The following PPP1R1C variants were observed in gnomAD, a reference collection of about 807,000 sequenced individuals.
PPP1R1C encodes the protein protein phosphatase 1 regulatory inhibitor subunit 1C.
PPP1R1C carries 15 observed loss-of-function variants against 17.4 expected under a neutral mutation model. The observed-to-expected ratio is 0.86, with a 90% CI of 0.58 to 1.33. The LOEUF (loss-of-function observed/expected upper bound fraction) is 1.33. Ranked by LOEUF, PPP1R1C falls within the 40% of genes most tolerant of loss-of-function variation. PPP1R1C has a pLI of 0.00. For missense variants in PPP1R1C, 143 were observed against 130.0 expected, an observed-to-expected ratio of 1.10 and a Z score of -0.48; for synonymous variants, 35 against 43.1, an observed-to-expected ratio of 0.81 and a Z score of 0.73.
intron 4 of PPP1R1C, among the ~76,000 whole-genome samples, chr2:182,108,840 G>A (rs2125232819): frequency 6.6e-6 from 1 of 152,226 alleles, no homozygotes; most frequent in Middle Eastern, 3.4e-3. Flanking sequence ...CTATGTGCAG[G>A]TTTTTTGTGT....
intron 4 of PPP1R1C, among the ~76,000 whole-genome samples, chr2:182,082,732 T>C (rs1388073451): frequency 6.6e-6 from 1 of 152,170 alleles, no homozygotes; most frequent in Non-Finnish European, 1.5e-5. Flanking sequence ...CTAAGTAATA[T>C]TACTAGAGGA....
intron 4 of PPP1R1C, among the ~76,000 whole-genome samples, chr2:182,085,166 C>T (rs563332091): frequency 4.5e-4 from 69 of 152,032 alleles, no homozygotes; most frequent in African/African-American, 1.6e-3. Flanking sequence ...TTGGATGGAT[C>T]TTTGGGATTT....
At chr2:181,963,738 A>G (rs1684851064) in intron 1 of PPP1R1C, among the ~76,000 whole-genome samples, 1 of 152,134 alleles carries the variant, frequency 6.6e-6, no homozygotes, top group African/African-American at 2.4e-5. Flanking sequence ...AAGTGAAGGA[A>G]TAATATTGAA....
At chr2:181,982,440 G>A (rs558140261), upstream of PPP1R1C, among the ~76,000 whole-genome samples, 27 of 152,280 alleles carry the variant, frequency 1.8e-4, no homozygotes, top group Non-Finnish European at 3.2e-4. Context: ...ACTAGATGAC[G>A]AGCATCTTGC....
At chr2:182,046,814 C>A (rs576347602) in intron 2 of PPP1R1C, among the ~76,000 whole-genome samples, 5 of 151,366 alleles carry the variant, frequency 3.3e-5, no homozygotes, top group Non-Finnish European at 7.4e-5. Context: ...ATTAAATGTA[C>A]AATATATAAA....
At chr2:182,063,495 G>C (rs1320855849) in intron 3 of PPP1R1C, among the ~76,000 whole-genome samples, 1 of 151,886 alleles carries the variant, frequency 6.6e-6, no homozygotes. Flanking sequence ...TGATTTCAAG[G>C]CTGCCATGAA....
chr2:181,983,381 C>T (rs1038680784), upstream of PPP1R1C, among the ~76,000 whole-genome samples: 11 of 152,014 alleles, frequency 7.2e-5, no homozygotes, highest in African/African-American at 1.7e-4. Context: ...AAACAGTTGT[C>T]GGAATAAATT....
intron 4 of PPP1R1C, among the ~76,000 whole-genome samples, chr2:182,068,183 C>G (rs1416345714): frequency 6.6e-6 from 1 of 152,150 alleles, no homozygotes; most frequent in African/African-American, 2.4e-5. Context: ...ATTAGCCTGT[C>G]TCACTTCTCT....
At chr2:181,987,972 G>A (rs1008389742) in intron 2 of PPP1R1C, 73 bp downstream of exon 2, 35 of 1,264,794 alleles carry the variant, frequency 2.8e-5, no homozygotes, top group Middle Eastern at 1.9e-4. Context: ...AGTACATGTC[G>A]TACTGAAAAG....
chr2:182,070,775 A>G lies in PPP1R1C; in HGVS notation c.241+6984A>G, dbSNP rs1688116590. Among the ~76,000 whole-genome samples the G allele has an allele frequency of 2.0e-5, 3 of 152,238 alleles. No individual in the cohort carries two copies. The South Asian group carries it at 6.2e-4, about 32-fold the overall frequency. ...TGGCTTATAGTTCCACAGGCTGTAC[A>G]GGAAGCATGATGCTAGCACCTGCTC... On this transcript the variant is annotated intron_variant, in intron 4 of 4. Coordinates refer to ENST00000682840, the MANE Select transcript of PPP1R1C (RefSeq NM_001080545.3).
At chr2:182,058,181 G>A (rs1687745750) in intron 2 of PPP1R1C, among the ~76,000 whole-genome samples, 1 of 151,720 alleles carries the variant, frequency 6.6e-6, no homozygotes, top group South Asian at 2.1e-4. Flanking sequence ...ACATTTAATT[G>A]TCATGTCTCC....
intron 2 of PPP1R1C, among the ~76,000 whole-genome samples, chr2:181,993,409 C>A (rs1685523711): frequency 6.6e-6 from 1 of 152,180 alleles, no homozygotes; most frequent in East Asian, 1.9e-4. Context: ...CTTGAGGTAC[C>A]AGCCACCCCC....
chr2:181,991,360 C>T (rs1208427610), intron 2 of PPP1R1C, among the ~76,000 whole-genome samples: 4 of 152,010 alleles, frequency 2.6e-5, no homozygotes, highest in African/African-American at 9.7e-5. Context: ...TGACAAATAA[C>T]CTAGAACTCT....
chr2:181,961,295 C>T lies in PPP1R1C; in HGVS notation n.111+6661C>T. ...ATGGTTTGCATGGAGTTGCTGTTGT[C>T]CAGGGCATCACCAAGATTGAAGTCA... is the stretch of plus-strand genomic sequence containing the variant. On this transcript the variant is annotated intron_variant and non_coding_transcript_variant, in intron 1 of 5. Coordinates refer to the PPP1R1C transcript ENST00000464264. This position sits in a 1 kb window ranked among gnomAD's most constrained non-coding sequence, Gnocchi z 5.8. The T allele has an allele frequency of 1.4e-6, 1 of 738,314 alleles. No individual in the cohort carries two copies. Among genetic ancestry groups the T allele is most frequent in the East Asian group, 2.5e-5 (1 of 40,286 alleles). The allele number at this position is 738,314 out of a possible 1,614,324, so 45.7% of individuals were successfully genotyped here.
At chr2:182,002,639 A>C (rs570946032) in intron 2 of PPP1R1C, among the ~76,000 whole-genome samples, 25 of 152,252 alleles carry the variant, frequency 1.6e-4, no homozygotes, top group African/African-American at 5.8e-4. Flanking sequence ...AGAATGGCTA[A>C]GACTAATGCA....
At chr2:181,970,048 C>A (rs1684976520) in intron 1 of PPP1R1C, among the ~76,000 whole-genome samples, 1 of 151,880 alleles carries the variant, frequency 6.6e-6, no homozygotes, top group Non-Finnish European at 1.5e-5. Flanking sequence ...CTCAAAACAG[C>A]TATTTTGAAT....
chr2:182,114,402 T>C (rs1268878680), intron 4 of PPP1R1C, among the ~76,000 whole-genome samples: 1 of 151,956 alleles, frequency 6.6e-6, no homozygotes, highest in Non-Finnish European at 1.5e-5. Flanking sequence ...AAACATCAAA[T>C]GGGGGTTTAA....
chr2:181,975,884 T>C (rs1685084620), intron 2 of PPP1R1C, among the ~76,000 whole-genome samples: 1 of 152,088 alleles, frequency 6.6e-6, no homozygotes, highest in Admixed American at 6.5e-5. Flanking sequence ...TCATCCAAAG[T>C]AGCTTGTCCT....
At chr2:182,126,184 T>C (rs1017920801) in intron 5 of PPP1R1C, among the ~76,000 whole-genome samples, 8 of 152,200 alleles carry the variant, frequency 5.3e-5, no homozygotes, top group African/African-American at 1.9e-4. Flanking sequence ...AGTCTTTATA[T>C]GTTTTTTTGG....
Sources: gnomAD v4.1 joint callset for allele counts (sites outside exome capture counted in the v4.1 genomes callset) on GRCh38, gnomAD v4.1.1 for gene constraint, Gnocchi (gnomAD v3.1) non-coding constraint, MANE v1.5 for transcripts, NCBI Gene and HGNC (gene_info 2026-07-23, HGNC 2026-07-21) for gene names.